DSCAM: variants seen among roughly 807,000 people sequenced by gnomAD.
DSCAM encodes DS cell adhesion molecule.
Under a neutral mutation model 217.7 loss-of-function variants are expected in DSCAM, and 47 were observed. That is an observed-to-expected ratio of 0.22 (90% CI 0.17 to 0.28). DSCAM has a LOEUF of 0.28. Ranked by LOEUF, DSCAM falls within the 10% of genes least tolerant of loss-of-function variation. The pLI is 1.00. For synonymous variants in DSCAM, 1,056 were observed against 1,015.3 expected (o/e 1.04, Z -0.76); for missense variants, 2,080 against 2,618.3 (o/e 0.79, Z 4.49).
intron 11 of DSCAM, among the ~76,000 whole-genome samples, chr21:40,251,836 C>T (rs1261548260): frequency 6.6e-6 from 1 of 152,192 alleles, no homozygotes. Flanking sequence ...TCTCCACTTG[C>T]ATGTTTTCTT....
intron 3 of DSCAM, among the ~76,000 whole-genome samples, chr21:40,689,080 C>T (rs1568986390): frequency 6.6e-6 from 1 of 152,192 alleles, no homozygotes; most frequent in Non-Finnish European, 1.5e-5. Flanking sequence ...ACAAACACTG[C>T]ATTTGTGCTT....
intron 3 of DSCAM, among the ~76,000 whole-genome samples, chr21:40,659,908 C>T (rs2090120868): frequency 6.6e-6 from 1 of 152,124 alleles, no homozygotes; most frequent in Non-Finnish European, 1.5e-5. Context: ...AGATGCATTT[C>T]AAAAATGTTC....
At chr21:40,079,380 A>G (rs995752031) in intron 25 of DSCAM, among the ~76,000 whole-genome samples, 4 of 152,204 alleles carry the variant, frequency 2.6e-5, no homozygotes, top group Non-Finnish European at 4.4e-5. Context: ...TTCCTCCACA[A>G]CTAAACACTT....
chr21:40,654,788 G>T (rs2090055158), intron 3 of DSCAM, among the ~76,000 whole-genome samples: 1 of 152,134 alleles, frequency 6.6e-6, no homozygotes, highest in Non-Finnish European at 1.5e-5. Flanking sequence ...GCCCATCCAG[G>T]TGATTCATGG....
intron 11 of DSCAM, among the ~76,000 whole-genome samples, chr21:40,272,903 T>A (rs1247968728): frequency 6.6e-6 from 1 of 152,172 alleles, no homozygotes; most frequent in African/African-American, 2.4e-5. Context: ...AACACTTTAC[T>A]GATTGTTCTT....
chr21:40,782,945 G>C (rs116485492), intron 1 of DSCAM, among the ~76,000 whole-genome samples: 1,982 of 152,218 alleles, frequency 0.013, 37 homozygotes, highest in African/African-American at 0.045. Flanking sequence ...GATCACATAG[G>C]GATTACATCA....
chr21:40,802,481 C>T (rs2091750673), intron 1 of DSCAM, among the ~76,000 whole-genome samples: 2 of 152,008 alleles, frequency 1.3e-5, no homozygotes, highest in African/African-American at 4.8e-5. Flanking sequence ...GTTTTGGGGG[C>T]CAGGGGCAAA....
chr21:40,531,390 T>C (rs966463771), intron 3 of DSCAM, among the ~76,000 whole-genome samples: 2 of 152,248 alleles, frequency 1.3e-5, no homozygotes, highest in African/African-American at 4.8e-5. Flanking sequence ...TATAGCCACA[T>C]GCCCAAGCTC....
chr21:40,390,645 T>G (rs2075125719), intron 3 of DSCAM, among the ~76,000 whole-genome samples: 1 of 152,168 alleles, frequency 6.6e-6, no homozygotes, highest in Non-Finnish European at 1.5e-5. Flanking sequence ...CCCTTCTCTC[T>G]CCCAGCTTCT....
chr21:40,830,069 A>G (rs149344056), intron 1 of DSCAM, among the ~76,000 whole-genome samples: 1 of 152,190 alleles, frequency 6.6e-6, no homozygotes, highest in African/African-American at 2.4e-5. Context: ...TCATTCTTGC[A>G]TTGCTATAAA....
chr21:40,100,134 G>A (rs2089731542), intron 20 of DSCAM, among the ~76,000 whole-genome samples: 1 of 152,318 alleles, frequency 6.6e-6, no homozygotes, highest in East Asian at 1.9e-4. Context: ...GAGGGATGCA[G>A]TGTAAATTAT....
At chr21:40,726,706 T>C (rs2090959022) in intron 1 of DSCAM, among the ~76,000 whole-genome samples, 1 of 152,196 alleles carries the variant, frequency 6.6e-6, no homozygotes. Context: ...TTCTCTGCTA[T>C]GGTTTGAATG....
intron 3 of DSCAM, among the ~76,000 whole-genome samples, chr21:40,537,929 C>T (rs2076512142): frequency 6.6e-6 from 1 of 152,194 alleles, no homozygotes; most frequent in Admixed American, 6.5e-5. Context: ...TAGTCCTCCT[C>T]CTTCCATGTG....
chr21:40,727,133 G>A (rs1281172294), intron 1 of DSCAM, among the ~76,000 whole-genome samples: 1 of 152,202 alleles, frequency 6.6e-6, no homozygotes, highest in African/African-American at 2.4e-5. Context: ...GTCAGCTGGA[G>A]ACTAATGACG....
chr21:40,079,010 A>G, intron 25 of DSCAM, 33 bp from the exon 26 acceptor site: 1 of 1,602,980 alleles, frequency 6.2e-7, no homozygotes, highest in Non-Finnish European at 8.5e-7. Context: ...GTCAGCTCAC[A>G]GGACACATGG....
rs530767860 is a variant in DSCAM at position 40,597,169 on chromosome 21, T to A, written c.508+95641A>T. On this transcript the variant is annotated intron_variant, in intron 3 of 32. Transcript: ENST00000400454. ...AAGCACTCACAACATAATGCATATATTTAGCCGTTATTTCTAAGCCAGGTT... is the reference window on the plus strand; with the variant it reads ...AAGCACTCACAACATAATGCATATAATTAGCCGTTATTTCTAAGCCAGGTT... Among the ~76,000 whole-genome samples the A allele has an allele frequency of 3.3e-5, 5 of 152,310 alleles. No individual in the cohort carries two copies. In the South Asian group the frequency reaches 1.0e-3, roughly 32 times the overall value.
At chr21:40,194,974 T>C (rs748240784) in intron 11 of DSCAM, among the ~76,000 whole-genome samples, 5 of 152,240 alleles carry the variant, frequency 3.3e-5, no homozygotes, top group Non-Finnish European at 7.3e-5. Context: ...AGTGTTTCAC[T>C]ATATTAATAA....
intron 2 of DSCAM, among the ~76,000 whole-genome samples, chr21:40,699,925 T>C (rs2103440): frequency 6.6e-6 from 1 of 152,084 alleles, no homozygotes; most frequent in African/African-American, 2.4e-5. Flanking sequence ...ATATTTTCAA[T>C]GTACAGAAGA....
chr21:40,155,641 C>T lies in DSCAM; in HGVS notation c.3019-10910G>A, dbSNP rs940490983. ...TGAAAAATGCTCGGAAGTAGTTTTG[C>T]GGGATGGGAGAAGACAGTGTCTGAT... On this transcript the variant is annotated intron_variant, in intron 16 of 32. Transcript: ENST00000400454. Among the ~76,000 whole-genome samples, 38 of 152,024 alleles carry T rather than the reference C, an allele frequency of 2.5e-4. 1 individual carries two copies. Among genetic ancestry groups the T allele is most frequent in the African/African-American group, 9.2e-4 (38 of 41,394 alleles).
Sources: gnomAD v4.1 joint callset for allele counts (sites outside exome capture counted in the v4.1 genomes callset) on GRCh38, gnomAD v4.1.1 for gene constraint, MANE v1.5 for transcripts, NCBI Gene and HGNC (gene_info 2026-07-23, HGNC 2026-07-21) for gene names.